The following KCTD1 variants were observed in gnomAD, a reference collection of about 807,000 sequenced individuals.
The protein encoded by KCTD1 is potassium channel tetramerization domain containing 1, also known as BTB/POZ domain-containing protein KCTD1.
In KCTD1, 24 loss-of-function variants were observed where a neutral mutation model predicts 66.0. The ratio of observed to expected loss-of-function variants is 0.36; its 90% CI spans 0.26 to 0.51. The LOEUF (loss-of-function observed/expected upper bound fraction) is 0.51. Among genes scored for constraint, KCTD1 ranks in the 20% least tolerant of loss-of-function variants. The pLI, the probability that KCTD1 is intolerant of heterozygous loss-of-function variation, is 0.95. For missense variants in KCTD1, 943 were observed against 1,205.2 expected (o/e 0.78, Z 3.22); for synonymous variants, 511 against 517.2 (o/e 0.99, Z 0.16).
intron 1 of KCTD1, among the ~76,000 whole-genome samples, chr18:26,570,513 A>G (rs958679978): frequency 6.6e-6 from 1 of 152,134 alleles, no homozygotes; most frequent in Non-Finnish European, 1.5e-5. Context: ...GGCTCAAGCT[A>G]TATTCCTGCC....
At chr18:26,623,235 T>C (rs1426713233) in intron 1 of KCTD1, among the ~76,000 whole-genome samples, 1 of 152,212 alleles carries the variant, frequency 6.6e-6, no homozygotes, top group Non-Finnish European at 1.5e-5. Context: ...GCTTCTTTCA[T>C]TCTATTATGC....
chr18:26,642,876 C>T (rs904170664), upstream of KCTD1, among the ~76,000 whole-genome samples: 11 of 23,326 alleles, frequency 4.7e-4, no homozygotes, highest in African/African-American at 1.3e-3. Context: ...GTACAACCTG[C>T]GGGGAGGGTG....
At chr18:26,654,818 C>T (rs905515997) in intron 1 of KCTD1, among the ~76,000 whole-genome samples, 4 of 152,188 alleles carry the variant, frequency 2.6e-5, no homozygotes, top group Admixed American at 2.0e-4. Context: ...AAACATTTAA[C>T]CTACTGTCAT....
rs535064792 is a variant in KCTD1, at chr18:26,646,321, C to T, written c.9+11039G>A. Among the ~76,000 whole-genome samples, 7 of 152,214 alleles carry T rather than the reference C, an allele frequency of 4.6e-5. 1 individual carries two copies. Among genetic ancestry groups the T allele is most frequent in the African/African-American group, 1.7e-4 (7 of 41,556 alleles). On this transcript the variant is annotated intron_variant, in intron 1 of 4. Coordinates refer to the KCTD1 transcript ENST00000580191. ...GAGAAACGGATTTGAAATGTGTTTC[C>T]TTTCTTTTCTTTTTCTCCATCCTTT...
intron 1 of KCTD1, among the ~76,000 whole-genome samples, chr18:26,510,995 A>T (rs1020187689): frequency 4.6e-5 from 7 of 152,154 alleles, no homozygotes; most frequent in Non-Finnish European, 7.3e-5. Flanking sequence ...ATGGGCAAAA[A>T]TTTTCAGTTG....
At position 26,548,213 on chromosome 18, in the gene KCTD1, C is replaced by G; in HGVS notation, c.324G>C (p.Glu108Asp). Residue 108 changes from glutamate (E) to aspartate (D), a missense_variant, in exon 1 of 5, where the codon GAG becomes GAC. Glu to Asp is a conservative substitution (Grantham distance 45, BLOSUM62 2). Transcript: ENST00000580059. ...GCTCCAGCTCCTCCCCGGCCGAGTC[C>G]TCGGGCTCCAGGGGCTCGTCCCAGT... is the stretch of plus-strand genomic sequence containing the variant. ...GLDWDEPLEP[E>D]DSAGEELEPE... 1 of 1,508,904 alleles carries G rather than the reference C, an allele frequency of 6.6e-7. No individual in the cohort carries two copies. The allele number at this position is 1,508,904 out of a possible 1,614,324, so 93.5% of individuals were successfully genotyped here.
chr18:26,490,455 C>T (rs570687453), intron 2 of KCTD1, among the ~76,000 whole-genome samples: 12 of 152,094 alleles, frequency 7.9e-5, no homozygotes, highest in South Asian at 2.1e-4. Flanking sequence ...TCCAGGATAG[C>T]GAGACTAGAA....
chr18:26,496,748 AC>A (rs1982495836), intron 2 of KCTD1, among the ~76,000 whole-genome samples: 1 of 151,882 alleles, frequency 6.6e-6, no homozygotes, highest in Non-Finnish European at 1.5e-5. Context: ...GTGCACACAC[AC>A]ACACACACAC....
At position 26,523,170 on chromosome 18, in the gene KCTD1, T is replaced by C. The variant is rs929013802; in HGVS notation, c.1810-21920A>G. On this transcript the variant is annotated intron_variant, in intron 1 of 4. Transcript: ENST00000580059. ...ATTACCAAGTGGAGGCAGGGGACGA[T>C]TAACGATCAAGTAGATTTGGGAAAC... 2.5e-4 allele frequency among the ~76,000 whole-genome samples: 38 copies of C among 152,238 alleles called. 1 individual carries two copies. Among genetic ancestry groups the C allele is most frequent in the Admixed American group, 6.5e-5 (1 of 15,292 alleles).
intron 1 of KCTD1, among the ~76,000 whole-genome samples, chr18:26,557,768 A>C (rs1190409155): frequency 6.6e-6 from 1 of 152,220 alleles, no homozygotes; most frequent in African/African-American, 2.4e-5. Context: ...CCTCTTCAGA[A>C]GATGCACACA....
intron 1 of KCTD1, among the ~76,000 whole-genome samples, chr18:26,610,154 C>CT (rs995946498): frequency 2.6e-5 from 4 of 151,700 alleles, no homozygotes; most frequent in Non-Finnish European, 5.9e-5. Flanking sequence ...CTTTGAGTTA[C>CT]TTTTTTTTTC....
intron 1 of KCTD1, among the ~76,000 whole-genome samples, chr18:26,579,045 GT>G (rs113083472): frequency 4.0e-5 from 6 of 148,502 alleles, no homozygotes; most frequent in South Asian, 2.1e-4. Context: ...TACCTGTTTT[GT>G]TTTTTTTTTC....
At chr18:26,650,708 T>C (rs1988014654) in intron 1 of KCTD1, among the ~76,000 whole-genome samples, 1 of 152,198 alleles carries the variant, frequency 6.6e-6, no homozygotes, top group Admixed American at 6.5e-5. Context: ...TAGCTTTTTC[T>C]CCCCCTCACA....
At chr18:26,597,433 G>T (rs1375245484) in intron 1 of KCTD1, among the ~76,000 whole-genome samples, 3 of 152,150 alleles carry the variant, frequency 2.0e-5, no homozygotes, top group Non-Finnish European at 4.4e-5. Flanking sequence ...TATCATATAG[G>T]ATGGAAGATA....
chr18:26,523,435 G>A (rs908998284), intron 1 of KCTD1, among the ~76,000 whole-genome samples: 10 of 152,124 alleles, frequency 6.6e-5, no homozygotes, highest in East Asian at 3.9e-4. Context: ...GTCCTCCCCC[G>A]GCCACCCAAA....
chr18:26,475,372 G>T (rs1168074937), intron 3 of KCTD1, among the ~76,000 whole-genome samples: 1 of 152,110 alleles, frequency 6.6e-6, no homozygotes, highest in African/African-American at 2.4e-5. Flanking sequence ...CAATATTGAG[G>T]TTTCCCATCC....
chr18:26,562,335 G>A (rs544427501), intron 1 of KCTD1, among the ~76,000 whole-genome samples: 1 of 150,220 alleles, frequency 6.7e-6, no homozygotes, highest in Non-Finnish European at 1.5e-5. Flanking sequence ...AGGCTCAAGT[G>A]ACTTTCCTAC....
Position 26,476,412 on chromosome 18 carries a change from TC to T in KCTD1, c.2133+102del. The T allele has an allele frequency of 9.1e-7, 1 of 1,102,466 alleles. No homozygotes were observed. Among genetic ancestry groups the T allele is most frequent in the Non-Finnish European group, 1.3e-6 (1 of 790,714 alleles). The allele number at this position is 1,102,466 out of a possible 1,614,324, so 68.3% of individuals were successfully genotyped here. ...ATGTCAAAGAGAACTCTGGCACCTT[TC>T]GAGTTGGTGTATGTTAATAATGTAG... On this transcript the variant is annotated intron_variant, in intron 3 of 4. Transcript: ENST00000580059. This position sits in a 1 kb window ranked among gnomAD's most constrained non-coding sequence, Gnocchi z 4.9.
rs1238910860 is a variant in KCTD1, at chr18:26,547,488, G to A, written c.1049C>T (p.Ser350Phe). The A allele has an allele frequency of 1.9e-6, 3 of 1,551,534 alleles. No homozygotes were observed. Among genetic ancestry groups the A allele is most frequent in the South Asian group, 1.2e-5 (1 of 84,060 alleles). Residue 350 changes from serine (S) to phenylalanine (F), a missense_variant, in exon 1 of 5, where the codon TCC becomes TTC. By Grantham distance (155) the Ser-to-Phe change is radical (BLOSUM62 -2). This residue lies in a region of KCTD1 where 66 missense variants were observed against 61.6 expected (regional missense o/e 1.07). Transcript: ENST00000580059. ...EDGRKFVYFK[S>F]LGPYHKSRSS... Reference sequence around the variant, plus strand: ...GCGCGACTTGTGGTAGGGCCCGAGGGACTTGAAGTAGACGAACTTGCGACC... The same window carrying A: ...GCGCGACTTGTGGTAGGGCCCGAGGAACTTGAAGTAGACGAACTTGCGACC...
Sources: allele counts gnomAD v4.1 joint callset (sites outside exome capture counted in the v4.1 genomes callset), GRCh38; gene constraint gnomAD v4.1.1; regional missense constraint gnomAD v4.1.1; non-coding constraint Gnocchi (gnomAD v3.1); transcripts MANE v1.5; gene names NCBI Gene and HGNC (gene_info 2026-07-23, HGNC 2026-07-21).